SETD5: variants seen among roughly 807,000 people sequenced by gnomAD.
The protein encoded by SETD5 is SET domain containing 5, also known as histone-lysine N-methyltransferase SETD5.
SETD5 carries 44 observed loss-of-function variants against 153.3 expected under a neutral mutation model. The observed-to-expected ratio is 0.29, with a 90% CI of 0.23 to 0.37. SETD5 has a LOEUF of 0.37. Among genes scored for constraint, SETD5 ranks in the 10% least tolerant of loss-of-function variants. The pLI, the probability that SETD5 is intolerant of heterozygous loss-of-function variation, is 1.00. For missense variants in SETD5, 1,544 were observed against 1,768.0 expected (o/e 0.87, Z 2.27); for synonymous variants, 716 against 645.2 (o/e 1.11, Z -1.66).
chr3:9,436,961 A>AC, intron 7 of SETD5: 2 of 1,356,532 alleles, frequency 1.5e-6, no homozygotes, highest in Non-Finnish European at 2.0e-6. Flanking sequence ...TTCTTTCCTG[A>AC]CATTGATGGT....
At chr3:9,450,557 T>G (rs990483608) in intron 16 of SETD5, among the ~76,000 whole-genome samples, 21 of 152,244 alleles carry the variant, frequency 1.4e-4, no homozygotes, top group African/African-American at 4.6e-4. Context: ...GAAGAAGAGT[T>G]CTTCTTCTAA....
intron 18 of SETD5, 128 bp downstream of exon 18, chr3:9,464,800 G>A: frequency 6.8e-7 from 1 of 1,475,570 alleles, no homozygotes; most frequent in Non-Finnish European, 9.3e-7. Context: ...AAGAGAATGG[G>A]AAACCTCAGG....
chr3:9,407,960 A>G (rs1260066094), intron 1 of SETD5, among the ~76,000 whole-genome samples: 1 of 151,554 alleles, frequency 6.6e-6, no homozygotes, highest in African/African-American at 2.4e-5. Context: ...AGATTGCGCC[A>G]TTGTATTCCA....
intron 1 of SETD5, among the ~76,000 whole-genome samples, chr3:9,411,944 T>A (rs1218737182): frequency 1.3e-5 from 2 of 152,170 alleles, no homozygotes; most frequent in Non-Finnish European, 2.9e-5. Context: ...ATAATCACAT[T>A]TAAAAATTTA....
chr3:9,473,960 T>G (rs1446579649), intron 20 of SETD5, among the ~76,000 whole-genome samples: 1 of 152,232 alleles, frequency 6.6e-6, no homozygotes, highest in Non-Finnish European at 1.5e-5. Flanking sequence ...TTGTCTGGTT[T>G]AGGGGAGACC....
In SETD5 at chr3:9,475,847, C is replaced by G. The variant is rs751414953; in HGVS notation, c.4085C>G (p.Ser1362Cys). The change falls in exon 23 of 23, where the codon TCT becomes TGT. Residue 1362 changes from serine to cysteine, a missense_variant. Ser to Cys is a moderately radical substitution (Grantham distance 112, BLOSUM62 -1). Coordinates refer to ENST00000402198, the MANE Select transcript of SETD5 (RefSeq NM_001080517.3). ...PSDSPTSDSV[S>C]QSSTGTLSST... is the part of the protein sequence containing the mutation. ...GACTCGCCAACCTCAGATTCAGTTT[C>G]TCAGTCCAGCACAGGAACTCTGAGT... The G allele has an allele frequency of 1.9e-6, 3 of 1,614,060 alleles. No individual in the cohort carries two copies. The highest frequency in any genetic ancestry group is 2.2e-5 in the East Asian group (1 of 44,878).
chr3:9,438,593 A>G (rs1016750886), intron 7 of SETD5, among the ~76,000 whole-genome samples: 3 of 152,244 alleles, frequency 2.0e-5, no homozygotes, highest in Admixed American at 6.5e-5. Flanking sequence ...TATGCTCAGA[A>G]TTACTAGTTT....
intron 3 of SETD5, chr3:9,433,456 G>A: frequency 7.8e-7 from 1 of 1,289,950 alleles, no homozygotes; most frequent in Non-Finnish European, 1.0e-6. Flanking sequence ...CACTGCAAAT[G>A]TCATGTGAGG....
At chr3:9,446,493 CTT>C (rs368167902) in intron 13 of SETD5, among the ~76,000 whole-genome samples, 1 of 144,464 alleles carries the variant, frequency 6.9e-6, no homozygotes, top group Non-Finnish European at 1.5e-5. Flanking sequence ...GATTTGATGA[CTT>C]TTTTTTTTTT....
intron 21 of SETD5, chr3:9,474,791 A>G (rs2045683257): frequency 3.0e-6 from 2 of 675,098 alleles, no homozygotes. Flanking sequence ...TTTTTTCCCC[A>G]AGGAATACCT....
Position 9,473,490 on chromosome 3 carries a change from C to G in SETD5, c.3450C>G (p.Gly1150=), listed in dbSNP as rs1431554212. Residue 1150 remains glycine (G), a synonymous_variant, in exon 20 of 23, where the codon GGC becomes GGG. Transcript: ENST00000402198. The stretch of plus-strand genomic sequence containing the variant: ...CGGTAAGCCCATCAGATTCCAGAGG[C>G]ACTTCTTCATCTCACTGCAGACCTC... ...LEAVSPSDSR[G]TSSSHCRPQE... is the part of the protein sequence containing the mutation. 1 of 1,613,734 alleles carries G rather than the reference C, an allele frequency of 6.2e-7. No homozygotes were observed.
chr3:9,420,009 G>A (rs2038132309), intron 1 of SETD5, among the ~76,000 whole-genome samples: 1 of 152,138 alleles, frequency 6.6e-6, no homozygotes, highest in South Asian at 2.1e-4. Context: ...CCTTCAGAAA[G>A]TGTTGAGAGT....
At position 9,441,747 on chromosome 3, in the gene SETD5, A is replaced by G. The variant is rs1356276372; in HGVS notation, c.959+6A>G. The G allele has an allele frequency of 1.9e-6, 3 of 1,613,818 alleles. No individual in the cohort carries two copies. The highest frequency in any genetic ancestry group is 2.7e-5 in the African/African-American group (2 of 74,928). Reference sequence around the variant, plus strand: ...AATGGGCATTTCTTCAAAAAGTAAGAACGTCATTCATTGAGCAGTGAGGGC... The same window carrying G: ...AATGGGCATTTCTTCAAAAAGTAAGGACGTCATTCATTGAGCAGTGAGGGC... On this transcript the variant is annotated splice_donor_region_variant and intron_variant, in intron 9 of 22. Transcript: ENST00000402198.
rs757087947 is a variant in SETD5 at position 9,474,549 on chromosome 3, A to G, written c.3598A>G (p.Thr1200Ala). ...GGCCCAAAAGGGAGAGCCCTCTCCC[A>G]CATGGGAGAGTAACATCACAGAGAA... ...RVAQKGEPSP[T>A]WESNITEKDS... The change falls in exon 21 of 23, where the codon ACA becomes GCA. Residue 1200 changes from threonine to alanine, a missense_variant. This residue lies in a region of SETD5 where 38 missense variants were observed against 71.4 expected (regional missense o/e 0.53). Transcript: ENST00000402198. 3.7e-6 allele frequency: 6 copies of G among 1,613,840 alleles called. No individual in the cohort carries two copies. In the Admixed American group the frequency reaches 1.0e-4, roughly 27 times the overall value.
At position 9,447,680 on chromosome 3, in the gene SETD5, C is replaced by A; in HGVS notation, c.1783-6C>A. 1 of 1,612,934 alleles carries A rather than the reference C, an allele frequency of 6.2e-7. No homozygotes were observed. Among genetic ancestry groups the A allele is most frequent in the Non-Finnish European group, 8.5e-7 (1 of 1,179,228 alleles). On this transcript the variant is annotated splice_region_variant and splice_polypyrimidine_tract_variant and intron_variant, in intron 14 of 22. Coordinates refer to ENST00000402198, the MANE Select transcript of SETD5 (RefSeq NM_001080517.3). ...TGGTAAGCATCTGACCCTACTATTGCTACAGGATATTGCTGCAGAAAAACT... is the reference window on the plus strand; with the variant it reads ...TGGTAAGCATCTGACCCTACTATTGATACAGGATATTGCTGCAGAAAAACT...
chr3:9,412,447 G>A (rs1559357476), intron 1 of SETD5, among the ~76,000 whole-genome samples: 1 of 136,922 alleles, frequency 7.3e-6, no homozygotes, highest in Non-Finnish European at 1.5e-5. Context: ...CTGTCGCCCA[G>A]GCTAGAGTGC....
chr3:9,412,187 T>C (rs2036663972), intron 1 of SETD5, among the ~76,000 whole-genome samples: 1 of 152,106 alleles, frequency 6.6e-6, no homozygotes, highest in African/African-American at 2.4e-5. Flanking sequence ...AGGTTTGATT[T>C]TTTTGTTGTT....
At chr3:9,462,475 T>C (rs978321160) in intron 17 of SETD5, among the ~76,000 whole-genome samples, 1 of 150,906 alleles carries the variant, frequency 6.6e-6, no homozygotes, top group Non-Finnish European at 1.5e-5. Flanking sequence ...TAGTCCCAGC[T>C]ACTCGGGAGG....
At chr3:9,437,610 A>T (rs2040742692) in intron 7 of SETD5, among the ~76,000 whole-genome samples, 1 of 152,016 alleles carries the variant, frequency 6.6e-6, no homozygotes, top group Non-Finnish European at 1.5e-5. Context: ...GCTTCAAAGC[A>T]TTTAAATAGA....
Sources: gnomAD v4.1 joint callset for allele counts (sites outside exome capture counted in the v4.1 genomes callset) on GRCh38, gnomAD v4.1.1 for gene constraint, gnomAD v4.1.1 regional missense constraint, MANE v1.5 for transcripts, NCBI Gene and HGNC (gene_info 2026-07-23, HGNC 2026-07-21) for gene names.